The following LUZP2 variants were observed in gnomAD, a reference collection of about 807,000 sequenced individuals.
LUZP2 encodes the protein leucine zipper protein 2.
A neutral mutation model predicts 51.6 loss-of-function variants in LUZP2; 52 were observed. The ratio of observed to expected loss-of-function variants is 1.01; its 90% confidence interval spans 0.81 to 1.27. LUZP2 has a LOEUF of 1.27. Among genes scored for constraint, LUZP2 ranks in the 50% most tolerant of loss-of-function variants. The probability of loss-of-function intolerance (pLI) is 0.00; values close to 1 mark genes in which losing one functional copy is unlikely to be tolerated. For synonymous variants in LUZP2, 154 were observed against 137.3 expected (o/e 1.12, Z -0.85); for missense variants, 436 against 395.4 (o/e 1.10, Z -0.87).
chr11:24,687,295 G>A (rs890028246), intron 1 of LUZP2, among the ~76,000 whole-genome samples: 9 of 152,166 alleles, frequency 5.9e-5, no homozygotes, highest in South Asian at 4.2e-4. Context: ...TATACTTTTC[G>A]GGAATTTTAT....
At chr11:25,022,564 A>C (rs1227289012) in intron 9 of LUZP2, among the ~76,000 whole-genome samples, 1 of 152,118 alleles carries the variant, frequency 6.6e-6, no homozygotes, top group African/African-American at 2.4e-5. Context: ...TCACCAAAAA[A>C]ATCTGTAATT....
At chr11:24,998,520 GT>G (rs1856577268) in intron 9 of LUZP2, among the ~76,000 whole-genome samples, 1 of 152,116 alleles carries the variant, frequency 6.6e-6, no homozygotes, top group Non-Finnish European at 1.5e-5. Flanking sequence ...GAGATTTTGG[GT>G]GAGACAATGG....
chr11:24,997,458 A>G (rs1213875604), intron 9 of LUZP2, among the ~76,000 whole-genome samples: 2 of 151,750 alleles, frequency 1.3e-5, no homozygotes, highest in Non-Finnish European at 2.9e-5. Flanking sequence ...CCACTTTTTG[A>G]TGGGGTTGTT....
chr11:24,898,434 C>T (rs189920758), intron 5 of LUZP2, among the ~76,000 whole-genome samples: 30 of 152,284 alleles, frequency 2.0e-4, no homozygotes, highest in Non-Finnish European at 3.5e-4. Context: ...ACCATCCTGA[C>T]TAACACGGTG....
chr11:24,955,987 G>A (rs900737394), intron 7 of LUZP2, among the ~76,000 whole-genome samples: 2 of 151,966 alleles, frequency 1.3e-5, no homozygotes, highest in Admixed American at 1.3e-4. Flanking sequence ...GAGAGAAAAT[G>A]CACAAAACTC....
intron 1 of LUZP2, among the ~76,000 whole-genome samples, chr11:24,582,982 A>T (rs991685513): frequency 6.6e-6 from 1 of 152,118 alleles, no homozygotes; most frequent in Admixed American, 6.6e-5. Flanking sequence ...GCAGCAAACG[A>T]TATGCAGTCA....
intron 1 of LUZP2, among the ~76,000 whole-genome samples, chr11:24,656,423 G>T (rs1415793298): frequency 1.3e-5 from 2 of 152,170 alleles, no homozygotes; most frequent in East Asian, 3.9e-4. Context: ...ATGGATTATT[G>T]TATCGGTTTT....
At chr11:25,027,359 ATG>A (rs1324188031) in intron 9 of LUZP2, among the ~76,000 whole-genome samples, 2 of 152,246 alleles carry the variant, frequency 1.3e-5, no homozygotes, top group Admixed American at 6.5e-5. Flanking sequence ...GATTAATAAT[ATG>A]TGTCATCATT....
chr11:24,530,733 C>G (rs1230152411), intron 1 of LUZP2, among the ~76,000 whole-genome samples: 1 of 138,032 alleles, frequency 7.2e-6, no homozygotes, highest in Non-Finnish European at 1.6e-5. Context: ...ATCTCAGCAG[C>G]AGTTAACCTA....
At chr11:24,846,593 G>T (rs1453817219) in intron 5 of LUZP2, among the ~76,000 whole-genome samples, 1 of 152,066 alleles carries the variant, frequency 6.6e-6, no homozygotes, top group Admixed American at 6.6e-5. Context: ...CTATTAAAGA[G>T]AATGAATCTG....
chr11:25,077,604 A>G (rs978724629), intron 11 of LUZP2, among the ~76,000 whole-genome samples, 198 bp downstream of exon 11: 6 of 151,516 alleles, frequency 4.0e-5, no homozygotes, highest in African/African-American at 1.2e-4. Context: ...GGCTCACACC[A>G]TTCTCCTGCC....
chr11:24,926,245 A>T lies in LUZP2; in HGVS notation c.522+11707A>T, dbSNP rs190298969. Among the ~76,000 whole-genome samples, 7 of 146,458 alleles carry T rather than the reference A, an allele frequency of 4.8e-5. No individual in the cohort carries two copies. The East Asian group carries it at 1.0e-3, about 21-fold the overall frequency. ...TACGTGTATATATATATGTGTGTGT[A>T]TATATATACGTGTGTGTATATATAT... On this transcript the variant is annotated intron_variant, in intron 7 of 11. Transcript: ENST00000336930.
chr11:24,700,098 G>A (rs916293424), intron 1 of LUZP2, among the ~76,000 whole-genome samples: 1 of 111,804 alleles, frequency 8.9e-6, no homozygotes, highest in African/African-American at 3.5e-5. Context: ...CTTCCACTCT[G>A]TAGCCTAGGC....
intron 7 of LUZP2, among the ~76,000 whole-genome samples, chr11:24,958,776 T>C (rs1287969377): frequency 1.3e-5 from 2 of 152,214 alleles, no homozygotes; most frequent in African/African-American, 4.8e-5. Flanking sequence ...CATTTGTCAA[T>C]TTTGGCTTTT....
At chr11:24,895,308 G>A (rs1242780495) in intron 5 of LUZP2, among the ~76,000 whole-genome samples, 1 of 152,042 alleles carries the variant, frequency 6.6e-6, no homozygotes, top group African/African-American at 2.4e-5. Context: ...CTTAAGGAAT[G>A]AGTATATATA....
In LUZP2 at chr11:24,991,376, A is replaced by ATGTG. The variant is rs745691448; in HGVS notation, c.765+8101_765+8104dup. On this transcript the variant is annotated intron_variant, in intron 9 of 11. Coordinates refer to ENST00000336930, the MANE Select transcript of LUZP2 (RefSeq NM_001009909.4). ...TATATATATATGTGTGTGTATATAT[A>ATGTG]TGTGTGTGTGTGTGTGTGTGTATAT... is the stretch of plus-strand genomic sequence containing the variant. Among the ~76,000 whole-genome samples, 252 of 126,208 alleles carry ATGTG rather than the reference A, an allele frequency of 2.0e-3. 2 individuals carry two copies. Among genetic ancestry groups the ATGTG allele is most frequent in the African/African-American group, 6.6e-3 (239 of 36,390 alleles). The allele number at this position is 126,208 out of a possible 152,430, so 82.8% of individuals were successfully genotyped here. A position where few individuals can be genotyped will look rare whatever the true frequency, so the allele number is the denominator to read the frequency against.
At position 24,978,651 on chromosome 11, in the gene LUZP2, G is replaced by T. The variant is rs74555511; in HGVS notation, c.597+1986G>T. Among the ~76,000 whole-genome samples the T allele has an allele frequency of 3.7e-3, 563 of 151,718 alleles. 2 individuals carry two copies. The highest frequency in any genetic ancestry group is 0.013 in the African/African-American group (532 of 41,436). On this transcript the variant is annotated intron_variant, in intron 8 of 11. Coordinates refer to ENST00000336930, the MANE Select transcript of LUZP2 (RefSeq NM_001009909.4). ...AGAAAATATATGACACAAGGTCTTG[G>T]GTCCCATATCTCTCACAATTTTGTT...
At chr11:24,498,580 G>C (rs1849899855) in intron 1 of LUZP2, among the ~76,000 whole-genome samples, 1 of 152,130 alleles carries the variant, frequency 6.6e-6, no homozygotes, top group South Asian at 2.1e-4. Context: ...TTTCTGTAAG[G>C]TTTGCTTGTC....
At chr11:24,721,641 A>G (rs1352832431) in intron 1 of LUZP2, among the ~76,000 whole-genome samples, 1 of 152,194 alleles carries the variant, frequency 6.6e-6, no homozygotes, top group East Asian at 1.9e-4. Flanking sequence ...AAACTACACA[A>G]TATTATTAAG....
Sources: allele counts gnomAD v4.1 joint callset (sites outside exome capture counted in the v4.1 genomes callset), GRCh38; gene constraint gnomAD v4.1.1; transcripts MANE v1.5; gene names NCBI Gene and HGNC (gene_info 2026-07-23, HGNC 2026-07-21).